The following MYT1 variants were observed in gnomAD, a reference collection of about 807,000 sequenced individuals.
The protein encoded by MYT1 is myelin transcription factor I.
MYT1 carries 23 observed loss-of-function variants against 123.0 expected under a neutral mutation model. That is an observed-to-expected ratio of 0.19 (90% CI 0.13 to 0.26). The LOEUF (loss-of-function observed/expected upper bound fraction) is 0.26. MYT1 is among the 10% of genes least tolerant of loss of function. MYT1 has a pLI of 1.00. For missense variants in MYT1, 1,125 were observed against 1,472.5 expected (o/e 0.76, Z 3.86); for synonymous variants, 518 against 575.3 (o/e 0.90, Z 1.43).
At chr20:64,170,922 G>C in intron 1 of MYT1, among the ~76,000 whole-genome samples, 1 of 138,196 alleles carries the variant, frequency 7.2e-6, no homozygotes, top group South Asian at 2.4e-4. Context: ...GAGAGAGAGA[G>C]AGAGAGAGAG....
chr20:64,206,970 G>A (rs542126723), intron 6 of MYT1, among the ~76,000 whole-genome samples: 23 of 152,196 alleles, frequency 1.5e-4, no homozygotes, highest in African/African-American at 4.8e-4. Context: ...GCAGGGGCAC[G>A]ATCTTGATTT....
rs1337192524 is a variant in MYT1, at chr20:64,191,307, C to T, written c.-1+1147C>T. ...CTGTGACATCACATGTGCTTACAGC[C>T]ACTGTTCTCCACCACCAACCCTCTA... On this transcript the variant is annotated intron_variant, in intron 2 of 22. Transcript: ENST00000328439. This position sits in a 1 kb window ranked among gnomAD's most constrained non-coding sequence, Gnocchi z 4.1. Among the ~76,000 whole-genome samples, 1 of 152,200 alleles carries T rather than the reference C, an allele frequency of 6.6e-6. No individual in the cohort carries two copies. The highest frequency in any genetic ancestry group is 2.4e-5 in the African/African-American group (1 of 41,452).
At chr20:64,188,367 T>C (rs1428307228) in intron 1 of MYT1, among the ~76,000 whole-genome samples, 5 of 152,126 alleles carry the variant, frequency 3.3e-5, no homozygotes, top group African/African-American at 1.2e-4. Flanking sequence ...CTTGCATATA[T>C]ACATATGTAA....
At position 64,208,284 on chromosome 20, in the gene MYT1, T is replaced by G; in HGVS notation, c.1088T>G (p.Val363Gly). 6.2e-7 allele frequency: 1 copy of G among 1,614,126 alleles called. No homozygotes were observed. The highest frequency in any genetic ancestry group is 8.5e-7 in the Non-Finnish European group (1 of 1,180,026). ...DEDTHSRKST[V>G]TDESEMQDMM... ...GACACCCACTCCCGGAAGTCAACAG[T>G]CACTGACGAGTCGGAGATGCAGGAC... Residue 363 changes from valine (V) to glycine (G), a missense_variant, in exon 7 of 23, where the codon GTC (valine) becomes GGC (glycine). Physicochemically the swap from Val to Gly is moderately radical, Grantham distance 109. Transcript: ENST00000328439. This position sits in a 1 kb window ranked among gnomAD's most constrained non-coding sequence, Gnocchi z 5.4.
At chr20:64,211,816 C>T (rs1344295991) in intron 8 of MYT1, among the ~76,000 whole-genome samples, 1 of 152,192 alleles carries the variant, frequency 6.6e-6, no homozygotes, top group African/African-American at 2.4e-5. Context: ...GGAGGGACCA[C>T]AGTGGTGGTG....
rs1983716728 is a variant in MYT1 at position 64,212,687 on chromosome 20, C to T, written c.1517+549C>T. Among the ~76,000 whole-genome samples, 1 of 152,164 alleles carries T rather than the reference C, an allele frequency of 6.6e-6. No homozygotes were observed. On this transcript the variant is annotated intron_variant, in intron 9 of 22. Coordinates refer to ENST00000328439, the MANE Select transcript of MYT1 (RefSeq NM_004535.3). The surrounding 1 kb of genome is among the most constrained non-coding windows in gnomAD (Gnocchi z 6.8). ...GGGCAGACATGAACAGTAACCTCGG[C>T]AGGCCAGGACTGTGCTCTGGGCTGC...
intron 10 of MYT1, among the ~76,000 whole-genome samples, chr20:64,215,865 G>C (rs573336021): frequency 6.6e-6 from 1 of 151,866 alleles, no homozygotes; most frequent in South Asian, 2.1e-4. Context: ...AAAGTGCTTG[G>C]ATTATAGACA....
At chr20:64,222,366 C>T (rs1419827169) in intron 14 of MYT1, among the ~76,000 whole-genome samples, 1 of 152,230 alleles carries the variant, frequency 6.6e-6, no homozygotes, top group Non-Finnish European at 1.5e-5. Flanking sequence ...GCAGGAAGCC[C>T]TCGGGGCACC....
At chr20:64,223,014 G>T (rs1984056149) in intron 14 of MYT1, 97 bp from the exon 15 acceptor site, 1 of 1,418,606 alleles carries the variant, frequency 7.0e-7, no homozygotes, top group Non-Finnish European at 9.9e-7. Flanking sequence ...TCGCGGGTGA[G>T]CCAGGAGTGG....
intron 19 of MYT1, among the ~76,000 whole-genome samples, chr20:64,235,842 T>A: frequency 7.8e-6 from 1 of 128,530 alleles, no homozygotes; most frequent in Non-Finnish European, 1.7e-5. Context: ...CTGTGGTGGG[T>A]GACCCTGGGC....
chr20:64,238,894 T>A (rs1170353621), intron 21 of MYT1, among the ~76,000 whole-genome samples: 1 of 152,242 alleles, frequency 6.6e-6, no homozygotes, highest in African/African-American at 2.4e-5. Context: ...TGGTGCCCTC[T>A]GCGGAAGGGC....
chr20:64,222,350 A>G (rs969032991), intron 14 of MYT1, among the ~76,000 whole-genome samples: 1 of 152,170 alleles, frequency 6.6e-6, no homozygotes, highest in Non-Finnish European at 1.5e-5. Flanking sequence ...CTCCTCAGAG[A>G]GCTCTGCAGG....
chr20:64,231,875 AG>A lies in MYT1; in HGVS notation c.2676-286del, dbSNP rs1439799059. On this transcript the variant is annotated intron_variant, in intron 18 of 22. Coordinates refer to ENST00000328439, the MANE Select transcript of MYT1 (RefSeq NM_004535.3). The surrounding 1 kb of genome is among the most constrained non-coding windows in gnomAD (Gnocchi z 6.4). ...GAACCTGAGAGCAGCCCCCAGGCCC[AG>A]GGTCACGGCTGCTGGAGGGCACGGA... Among the ~76,000 whole-genome samples, 1 of 152,176 alleles carries A rather than the reference AG, an allele frequency of 6.6e-6. No homozygotes were observed. Among genetic ancestry groups the A allele is most frequent in the Non-Finnish European group, 1.5e-5 (1 of 68,024 alleles).
At chr20:64,204,959 A>G (rs1983438460) in intron 4 of MYT1, 76 bp from the exon 5 acceptor site, 1 of 1,464,660 alleles carries the variant, frequency 6.8e-7, no homozygotes, top group Admixed American at 1.8e-5. Flanking sequence ...TCTGCTCCCC[A>G]GGGTGAAGGT....
intron 1 of MYT1, among the ~76,000 whole-genome samples, chr20:64,178,649 G>A (rs878958140): frequency 1.9e-4 from 22 of 117,082 alleles, no homozygotes; most frequent in Admixed American, 4.4e-4. Flanking sequence ...GCCGTTATTC[G>A]GTGGGATGCC....
chr20:64,199,187 G>A (rs1417787306), intron 3 of MYT1, among the ~76,000 whole-genome samples: 1 of 152,210 alleles, frequency 6.6e-6, no homozygotes, highest in South Asian at 2.1e-4. Context: ...GCTCAGTTAC[G>A]AGACCATTCT....
chr20:64,165,185 G>A (rs1188260056), intron 1 of MYT1, among the ~76,000 whole-genome samples: 2 of 152,066 alleles, frequency 1.3e-5, no homozygotes, highest in Non-Finnish European at 2.9e-5. Context: ...TCAGAGTCTG[G>A]GGTGTGTCAT....
intron 7 of MYT1, 149 bp from the exon 8 acceptor site, chr20:64,211,057 G>A (rs1983651629): frequency 2.3e-6 from 2 of 854,680 alleles, no homozygotes; most frequent in South Asian, 2.1e-5. Context: ...TCTCCTGACT[G>A]TCCAGCCCCA....
At chr20:64,172,646 T>A (rs981740823) in intron 1 of MYT1, among the ~76,000 whole-genome samples, 2 of 151,992 alleles carry the variant, frequency 1.3e-5, no homozygotes, top group African/African-American at 4.8e-5. Flanking sequence ...CAGGACCTCT[T>A]GATCCCGCGA....
Sources: allele counts gnomAD v4.1 joint callset (sites outside exome capture counted in the v4.1 genomes callset), GRCh38; gene constraint gnomAD v4.1.1; non-coding constraint Gnocchi (gnomAD v3.1); transcripts MANE v1.5; gene names NCBI Gene and HGNC (gene_info 2026-07-23, HGNC 2026-07-21).